CHD6: variants seen among roughly 807,000 people sequenced by gnomAD.
CHD6 encodes chromodomain helicase DNA binding protein 6.
Under a neutral mutation model 276.9 loss-of-function variants are expected in CHD6, and 50 were observed. The ratio of observed to expected loss-of-function variants is 0.18; its 90% CI spans 0.14 to 0.23. CHD6 has a LOEUF of 0.23. Ranked by LOEUF, CHD6 falls within the 10% of genes least tolerant of loss-of-function variation. The pLI is 1.00. For synonymous variants in CHD6, 1,173 were observed against 1,229.3 expected, an observed-to-expected ratio of 0.95 and a Z score of 0.96; for missense variants, 2,564 against 3,365.8, an observed-to-expected ratio of 0.76 and a Z score of 5.89.
chr20:41,582,722 A>G (rs549597083), intron 1 of CHD6, among the ~76,000 whole-genome samples: 11 of 152,336 alleles, frequency 7.2e-5, no homozygotes, highest in African/African-American at 7.2e-5. Context: ...ACAACAATTG[A>G]TATGTTAAAA....
At position 41,533,761 on chromosome 20, in the gene CHD6, G is replaced by A. The variant is rs1005196954; in HGVS notation, c.34-191C>T. Among the ~76,000 whole-genome samples, 5 of 152,150 alleles carry A rather than the reference G, an allele frequency of 3.3e-5. No homozygotes were observed. In the South Asian group the frequency reaches 1.0e-3, roughly 32 times the overall value. On this transcript the variant is annotated intron_variant, in intron 2 of 36. Coordinates refer to ENST00000373233, the MANE Select transcript of CHD6 (RefSeq NM_032221.5). Reference sequence around the variant, plus strand: ...CATACACGGCCTTTACACTTGTGGAGCTGTGCCAACGTGTTGTTAGCATAC... The same window carrying A: ...CATACACGGCCTTTACACTTGTGGAACTGTGCCAACGTGTTGTTAGCATAC...
At position 41,488,540 on chromosome 20, in the gene CHD6, G is replaced by A. The variant is rs1361893431; in HGVS notation, c.1745C>T (p.Ala582Val). The change falls in exon 13 of 37, where the codon GCA becomes GTA. Residue 582 changes from alanine (A) to valine (V), a missense_variant. Ala to Val is a moderately conservative substitution (Grantham distance 64). This residue lies in a region of CHD6 where 457 missense variants were observed against 889.0 expected (regional missense o/e 0.51). Transcript: ENST00000373233. The stretch of plus-strand genomic sequence containing the variant: ...AATCTTCTTCAACTCTGGGCAGTCT[G>A]CTAGGATCATTTCAAATGTTGTGAT... ...VVITTFEMIL[A>V]DCPELKKIHW... is the part of the protein sequence containing the mutation. 1 of 1,613,936 alleles carries A rather than the reference G, an allele frequency of 6.2e-7. No individual in the cohort carries two copies. Among genetic ancestry groups the A allele is most frequent in the African/African-American group, 1.3e-5 (1 of 75,024 alleles).
Position 41,416,604 on chromosome 20 carries a change from G to T in CHD6, c.6470C>A (p.Ala2157Glu). The change falls in exon 33 of 37, where the codon GCG becomes GAG. Residue 2157 changes from alanine (A) to glutamate (E), a missense_variant. Around this residue, in one of 7 missense-constraint regions of CHD6, gnomAD observed 1,024 missense variants for 1,047.9 expected, o/e 0.98. Transcript: ENST00000373233. Reference sequence around the variant, plus strand: ...CCGGCTCACCTTGTGGATCTGGGCCGCCAATGCTGCGCCGTTGCTGAAGCT... The same window carrying T: ...CCGGCTCACCTTGTGGATCTGGGCCTCCAATGCTGCGCCGTTGCTGAAGCT... ...EHSFSNGAALAAQIHKESFLA... is the reference protein window; with the variant it reads ...EHSFSNGAALEAQIHKESFLA... 6.2e-7 allele frequency: 1 copy of T among 1,611,828 alleles called. No homozygotes were observed. The highest frequency in any genetic ancestry group is 8.5e-7 in the Non-Finnish European group (1 of 1,179,340).
intron 1 of CHD6, among the ~76,000 whole-genome samples, chr20:41,553,136 C>T (rs1303967580): frequency 5.3e-5 from 8 of 152,110 alleles, no homozygotes; most frequent in African/African-American, 1.4e-4. Flanking sequence ...TATCAGACCC[C>T]AGAAAACTGA....
At chr20:41,454,002 G>A (rs1231297678) in intron 20 of CHD6, among the ~76,000 whole-genome samples, 1 of 152,138 alleles carries the variant, frequency 6.6e-6, no homozygotes, top group East Asian at 1.9e-4. Flanking sequence ...AGAGATGAAG[G>A]ACGGGAAATC....
intron 2 of CHD6, among the ~76,000 whole-genome samples, chr20:41,544,570 A>G (rs552100313): frequency 5.9e-5 from 9 of 152,098 alleles, no homozygotes; most frequent in South Asian, 4.1e-4. Context: ...GACGTATTTG[A>G]TAACATTAGT....
chr20:41,514,382 C>A (rs1455850709), intron 4 of CHD6, among the ~76,000 whole-genome samples: 1 of 152,134 alleles, frequency 6.6e-6, no homozygotes, highest in Non-Finnish European at 1.5e-5. Flanking sequence ...TTGGCCAAAC[C>A]TTCCTTACTT....
At chr20:41,457,235 A>T (rs772474951) in intron 18 of CHD6, 29 bp downstream of exon 18, 2 of 1,599,500 alleles carry the variant, frequency 1.3e-6, no homozygotes, top group Non-Finnish European at 1.7e-6. Flanking sequence ...ATGTTCCTTA[A>T]GACTCCAGAG....
In CHD6 at chr20:41,414,932, G is replaced by A. The variant is rs551510488; in HGVS notation, c.6939+254C>T. The A allele has an allele frequency of 1.7e-5, 22 of 1,328,926 alleles. No homozygotes were observed. In the East Asian group the frequency reaches 4.6e-4, roughly 28 times the overall value. The allele number at this position is 1,328,926 out of a possible 1,614,324, so 82.3% of individuals were successfully genotyped here. A position where few individuals can be genotyped will look rare whatever the true frequency, so the allele number is the denominator to read the frequency against. On this transcript the variant is annotated intron_variant, in intron 34 of 36. Transcript: ENST00000373233. ...GGCTCTTCTGAAACCCTGGAGGAGC[G>A]GGGTTGTTCCTATTTGAAATGGCAA...
chr20:41,424,320 A>G (rs1043702061), intron 29 of CHD6, among the ~76,000 whole-genome samples: 2 of 152,148 alleles, frequency 1.3e-5, no homozygotes, highest in African/African-American at 2.4e-5. Flanking sequence ...GAGTAAGTCA[A>G]TGACTTAAGG....
rs1185569579 is a variant in CHD6, at chr20:41,618,342, A to C, written c.-26T>G. On this transcript the variant is annotated splice_region_variant and 5_prime_UTR_variant, in exon 1 of 37. Transcript: ENST00000373233. ...AAAAAGTTAAGAGAAGAACTTACCTAAAATGGCTCCTGCAGCAGCCAAAAT... is the reference window on the plus strand; with the variant it reads ...AAAAAGTTAAGAGAAGAACTTACCTCAAATGGCTCCTGCAGCAGCCAAAAT... 1 of 151,974 alleles carries C rather than the reference A, an allele frequency of 6.6e-6. No homozygotes were observed. The highest frequency in any genetic ancestry group is 1.5e-5 in the Non-Finnish European group (1 of 67,986). The allele number at this position is 151,974 out of a possible 1,614,324, so 9.4% of individuals were successfully genotyped here.
At chr20:41,448,990 C>T (rs1044187846) in intron 23 of CHD6, among the ~76,000 whole-genome samples, 1 of 152,062 alleles carries the variant, frequency 6.6e-6, no homozygotes, top group African/African-American at 2.4e-5. Context: ...CAACCTCCCC[C>T]TCCTGGGTTC....
Position 41,404,313 on chromosome 20 carries a change from G to C in CHD6, c.*280C>G. ...GAAACTTGGAAGAGAAGGGGGTAGG[G>C]CGTGTCACCAAGTACTGTATTAACT... On this transcript the variant is annotated 3_prime_UTR_variant, in exon 37 of 37. Coordinates refer to ENST00000373233, the MANE Select transcript of CHD6 (RefSeq NM_032221.5). The C allele has an allele frequency of 8.8e-7, 1 of 1,138,072 alleles. No individual in the cohort carries two copies. The highest frequency in any genetic ancestry group is 4.2e-5 in the East Asian group (1 of 24,030). The allele number at this position is 1,138,072 out of a possible 1,614,324, so 70.5% of individuals were successfully genotyped here.
intron 36 of CHD6, among the ~76,000 whole-genome samples, chr20:41,409,215 C>T (rs1180331865): frequency 2.6e-5 from 4 of 152,196 alleles, no homozygotes; most frequent in Non-Finnish European, 4.4e-5. Context: ...CCCCAGCCAC[C>T]AGCTGCTGCC....
In CHD6 at chr20:41,420,855, T is replaced by A; in HGVS notation, c.5780A>T (p.Gln1927Leu). The change falls in exon 31 of 37, where the codon CAG becomes CTG. Residue 1927 changes from glutamine to leucine, a missense_variant. By Grantham distance (113) the Gln-to-Leu change is moderately radical (BLOSUM62 -2). Coordinates refer to ENST00000373233, the MANE Select transcript of CHD6 (RefSeq NM_032221.5). ...GGCTGCTGGAGCGGGGAAAGCCCTC[T>A]GTAGCCCAGGAGTCTGGTTTGCCAC... The part of the protein sequence containing the change: ...LEVANQTPGL[Q>L]RAFPAPAACQ... The A allele has an allele frequency of 6.2e-7, 1 of 1,614,240 alleles. No homozygotes were observed.
At chr20:41,559,656 T>G (rs553120611) in intron 1 of CHD6, among the ~76,000 whole-genome samples, 2 of 152,270 alleles carry the variant, frequency 1.3e-5, no homozygotes, top group East Asian at 1.9e-4. Flanking sequence ...GGTTCAATGC[T>G]GTCAATACCA....
intron 3 of CHD6, among the ~76,000 whole-genome samples, 165 bp from the exon 4 acceptor site, chr20:41,515,117 T>C (rs1018461123): frequency 6.6e-6 from 1 of 152,120 alleles, no homozygotes; most frequent in Non-Finnish European, 1.5e-5. Flanking sequence ...AACATGGAAA[T>C]ATCTACATGG....
intron 16 of CHD6, among the ~76,000 whole-genome samples, chr20:41,478,739 C>T (rs536750204): frequency 4.6e-5 from 7 of 152,182 alleles, no homozygotes; most frequent in Non-Finnish European, 8.8e-5. Flanking sequence ...AGAGTTTGCA[C>T]TTTGAGCACA....
At chr20:41,536,178 G>C (rs1417773247) in intron 2 of CHD6, among the ~76,000 whole-genome samples, 1 of 152,094 alleles carries the variant, frequency 6.6e-6, no homozygotes, top group African/African-American at 2.4e-5. Flanking sequence ...TTTGAAACTG[G>C]CCCTAAAAGG....
Sources: gnomAD v4.1 joint callset for allele counts (sites outside exome capture counted in the v4.1 genomes callset) on GRCh38, gnomAD v4.1.1 for gene constraint, gnomAD v4.1.1 regional missense constraint, MANE v1.5 for transcripts, NCBI Gene and HGNC (gene_info 2026-07-23, HGNC 2026-07-21) for gene names.